The following LPA variants were observed in gnomAD, a reference collection of about 807,000 sequenced individuals.
LPA encodes the protein apolipoprotein(a).
Under a neutral mutation model 197.9 loss-of-function variants are expected in LPA, and 199 were observed. The observed-to-expected ratio is 1.01, with a 90% confidence interval of 0.90 to 1.13. The LOEUF is 1.13. Ranked by LOEUF, LPA falls within the 50% of genes most tolerant of loss-of-function variation. The pLI is 0.00. For missense variants in LPA, 1,853 were observed against 1,785.8 expected (o/e 1.04, Z -0.68); for synonymous variants, 715 against 639.5 (o/e 1.12, Z -1.78).
chr6:160,590,904 A>G, intron 23 of LPA, 40 bp downstream of exon 23: 1 of 1,613,504 alleles, frequency 6.2e-7, no homozygotes, highest in Non-Finnish European at 8.5e-7. Context: ...TTTTTATCCC[A>G]ACGTCCAAGG....
In LPA at chr6:160,557,942, C is replaced by T. The variant is rs572781566; in HGVS notation, c.4632-371G>A. Among the ~76,000 whole-genome samples, 117 of 147,850 alleles carry T rather than the reference C, an allele frequency of 7.9e-4. 1 individual carries two copies. Among genetic ancestry groups the T allele is most frequent in the African/African-American group, 2.5e-3 (100 of 40,150 alleles). ...TTTAGATTTTTTTTTTTTTTTGTGA[C>T]GGAGTCTCGCTCTGTCGCCCAGACT... On this transcript the variant is annotated intron_variant, in intron 28 of 38. Coordinates refer to ENST00000316300, the MANE Select transcript of LPA (RefSeq NM_005577.4).
At chr6:160,564,837 CA>C (rs1303149218) in intron 28 of LPA, among the ~76,000 whole-genome samples, 1 of 152,200 alleles carries the variant, frequency 6.6e-6, no homozygotes, top group Non-Finnish European at 1.5e-5. Context: ...AACGGCACAC[CA>C]GGAGATTATA....
chr6:160,606,764 A>T (rs1159411150), intron 16 of LPA, 106 bp from the exon 17 acceptor site: 1 of 1,507,462 alleles, frequency 6.6e-7, no homozygotes, highest in Non-Finnish European at 9.2e-7. Flanking sequence ...GTGCCTTTCT[A>T]ATATTCCCAT....
intron 28 of LPA, among the ~76,000 whole-genome samples, chr6:160,575,113 G>T (rs910000651): frequency 3.9e-5 from 6 of 152,110 alleles, no homozygotes; most frequent in Non-Finnish European, 8.8e-5. Flanking sequence ...TAACCAAGAA[G>T]ATTTGCCAAA....
At position 160,537,939 on chromosome 6, in the gene LPA, C is replaced by T. The variant is rs757709383; in HGVS notation, c.5758G>A (p.Val1920Ile). Reference protein sequence around the residue: ...LSRPAVITDKVMPACLPSPDY... With the variant: ...LSRPAVITDKIMPACLPSPDY... Reference sequence around the variant, plus strand: ...GGGGATGGCAGACAAGCTGGCATTACTTTGTCAGTGATGACGGCAGGCCTG... The same window carrying T: ...GGGGATGGCAGACAAGCTGGCATTATTTTGTCAGTGATGACGGCAGGCCTG... The change falls in exon 37 of 39, where the codon GTA becomes ATA. Residue 1920 changes from valine to isoleucine, a missense_variant. Coordinates refer to ENST00000316300, the MANE Select transcript of LPA (RefSeq NM_005577.4). 5 of 1,614,214 alleles carry T rather than the reference C, an allele frequency of 3.1e-6. No individual in the cohort carries two copies. The South Asian group carries it at 4.4e-5, about 14-fold the overall frequency.
rs1779229002 is a variant in LPA at position 160,600,963 on chromosome 6, A to G, written c.3081T>C (p.Pro1027=). Residue 1027 remains proline (P), a synonymous_variant, in exon 19 of 39, where the codon CCT becomes CCC. Coordinates refer to ENST00000316300, the MANE Select transcript of LPA (RefSeq NM_005577.4). The stretch of plus-strand genomic sequence containing the variant: ...GGCTTGGAGCCAGAATAACATTCGG[A>G]GGGACGAAGGCAGTCCATTCTGCAT... ...CSDAEWTAFV[P]PNVILAPSLE... 1 of 1,613,554 alleles carries G rather than the reference A, an allele frequency of 6.2e-7. No individual in the cohort carries two copies. The highest frequency in any genetic ancestry group is 1.7e-5 in the Admixed American group (1 of 60,006).
Position 160,582,648 on chromosome 6 carries a change from G to A in LPA, c.4289+2398C>T, listed in dbSNP as rs376085114. 2.2e-4 allele frequency among the ~76,000 whole-genome samples: 33 copies of A among 152,090 alleles called. 1 individual carries two copies. Among genetic ancestry groups the A allele is most frequent in the African/African-American group, 7.2e-4 (30 of 41,540 alleles). ...CTTTGATTATGGACAATTTAATTAT[G>A]ATGTGTCCAAATAAATCATACAGCT... On this transcript the variant is annotated intron_variant, in intron 26 of 38. Coordinates refer to ENST00000316300, the MANE Select transcript of LPA (RefSeq NM_005577.4).
chr6:160,582,930 T>C (rs1778828065), intron 26 of LPA, among the ~76,000 whole-genome samples: 1 of 152,272 alleles, frequency 6.6e-6, no homozygotes, highest in African/African-American at 2.4e-5. Flanking sequence ...TAATATTTTC[T>C]AGTTAGCTTT....
At chr6:160,545,148 G>A (rs959281504) in intron 33 of LPA, among the ~76,000 whole-genome samples, 3 of 151,980 alleles carry the variant, frequency 2.0e-5, no homozygotes, top group South Asian at 2.1e-4. Context: ...AGAAGGGTTC[G>A]GTGGGACTAT....
intron 1 of LPA, among the ~76,000 whole-genome samples, chr6:160,654,062 AT>A (rs1780081011): frequency 2.3e-5 from 1 of 43,272 alleles, no homozygotes; most frequent in Non-Finnish European, 3.9e-5. Flanking sequence ...TATATTATAT[AT>A]ATTATATATA....
intron 34 of LPA, 105 bp from the exon 35 acceptor site, chr6:160,541,286 T>C: frequency 1.2e-6 from 1 of 861,442 alleles, no homozygotes; most frequent in Non-Finnish European, 2.0e-6. Flanking sequence ...ATCATGTTCA[T>C]ATTCCCAAAG....
chr6:160,538,581 G>A (rs1777928219), intron 36 of LPA, among the ~76,000 whole-genome samples: 1 of 152,114 alleles, frequency 6.6e-6, no homozygotes, highest in Admixed American at 6.5e-5. Flanking sequence ...TTAGAACTCT[G>A]GTTTTTAGAC....
chr6:160,598,946 C>T (rs1272303030), intron 20 of LPA, among the ~76,000 whole-genome samples: 1 of 152,186 alleles, frequency 6.6e-6, no homozygotes. Context: ...GATACTCTAA[C>T]TCTTTGGTCA....
chr6:160,568,012 C>T (rs1562324593), intron 28 of LPA, among the ~76,000 whole-genome samples: 1 of 152,078 alleles, frequency 6.6e-6, no homozygotes, highest in Non-Finnish European at 1.5e-5. Context: ...AAGAGCCTAC[C>T]AACCAAAAAA....
rs1228234967 is a variant in LPA, at chr6:160,541,161, C to T, written c.5540G>A (p.Gly1847Glu). 1.9e-6 allele frequency: 3 copies of T among 1,613,898 alleles called. No individual in the cohort carries two copies. The African/African-American group carries it at 4.0e-5, about 22-fold the overall frequency. Residue 1847 changes from glycine (G) to glutamate (E), a missense_variant, in exon 35 of 39, where the codon GGA (glycine) becomes GAA (glutamate). By Grantham distance (98) the Gly-to-Glu change is moderately conservative. Around this residue, in one of 3 missense-constraint regions of LPA, gnomAD observed 1,737 missense variants for 1,504.4 expected, o/e 1.15. Transcript: ENST00000316300. Reference sequence around the variant, plus strand: ...CCACTCTGGGGATATTAAGGTGCCTCCACAGAAGTGCTTTCCAAACCTAGA... The same window carrying T: ...CCACTCTGGGGATATTAAGGTGCCTTCACAGAAGTGCTTTCCAAACCTAGA... ...LRTRFGKHFC[G>E]GTLISPEWVL...
At position 160,579,783 on chromosome 6, in the gene LPA, C is replaced by T. The variant is rs551056586; in HGVS notation, c.4290-1079G>A. On this transcript the variant is annotated intron_variant, in intron 26 of 38. Transcript: ENST00000316300. ...CTACACATGTGACCTAGTCTCAAGC[C>T]CAGATCCCCCATTTGAGGATGTTAG... is the stretch of plus-strand genomic sequence containing the variant. Among the ~76,000 whole-genome samples, 40 of 152,268 alleles carry T rather than the reference C, an allele frequency of 2.6e-4. 1 individual carries two copies. Among genetic ancestry groups the T allele is most frequent in the Admixed American group, 1.0e-3 (16 of 15,286 alleles).
At position 160,556,064 on chromosome 6, in the gene LPA, G is replaced by T; in HGVS notation, c.4934C>A (p.Pro1645Gln). Reference sequence around the variant, plus strand: ...TTCTGGGGTCCTCTGATGCCGGTGTGGTGTCATGGATGACCAAGATTGACA... The same window carrying T: ...TTCTGGGGTCCTCTGATGCCGGTGTTGTGTCATGGATGACCAAGATTGACA... ...RTCQSWSSMT[P>Q]HRHQRTPENY... The change falls in exon 30 of 39, where the codon CCA (proline) becomes CAA (glutamine). Residue 1645 changes from proline to glutamine, a missense_variant. Around this residue, in one of 3 missense-constraint regions of LPA, gnomAD observed 1,737 missense variants for 1,504.4 expected, o/e 1.15. Transcript: ENST00000316300. 1.9e-6 allele frequency: 3 copies of T among 1,612,590 alleles called. No individual in the cohort carries two copies. The highest frequency in any genetic ancestry group is 2.5e-6 in the Non-Finnish European group (3 of 1,178,802).
chr6:160,542,529 TAA>T (rs1344295581), intron 34 of LPA, among the ~76,000 whole-genome samples, 157 bp downstream of exon 34: 1 of 152,240 alleles, frequency 6.6e-6, no homozygotes. Context: ...GAACCTATAA[TAA>T]TATAACTTTT....
intron 16 of LPA, among the ~76,000 whole-genome samples, chr6:160,610,744 G>T (rs1252300567): frequency 2.6e-5 from 4 of 152,082 alleles, no homozygotes; most frequent in Admixed American, 6.5e-5. Flanking sequence ...ATGGCTACAG[G>T]CTGCTTGAGC....
Sources: allele counts gnomAD v4.1 joint callset (sites outside exome capture counted in the v4.1 genomes callset), GRCh38; gene constraint gnomAD v4.1.1; regional missense constraint gnomAD v4.1.1; transcripts MANE v1.5; gene names NCBI Gene and HGNC (gene_info 2026-07-23, HGNC 2026-07-21).